The following LARP1B variants were observed in gnomAD, a reference collection of about 807,000 sequenced individuals.
LARP1B encodes the protein La ribonucleoprotein 1B, also known as la-related protein 1B.
In LARP1B, 76 loss-of-function variants were observed where a neutral mutation model predicts 114.2. The observed-to-expected ratio is 0.67, with a 90% CI of 0.55 to 0.81. LARP1B has a LOEUF of 0.81. Among genes scored for constraint, LARP1B ranks in the 30% least tolerant of loss-of-function variants. The pLI is 0.00. For missense variants in LARP1B, 1,014 were observed against 1,075.8 expected (o/e 0.94, Z 0.80); for synonymous variants, 345 against 348.0 (o/e 0.99, Z 0.10).
chr4:128,157,671 T>TA (rs1424722101), intron 11 of LARP1B, among the ~76,000 whole-genome samples: 2 of 152,158 alleles, frequency 1.3e-5, no homozygotes, highest in Non-Finnish European at 2.9e-5. Flanking sequence ...ATGATGTAGT[T>TA]ACAGTGCCTG....
chr4:128,091,001 G>T lies in LARP1B; in HGVS notation c.359G>T (p.Ser120Ile), dbSNP rs1382100857. ...THNNRRNDTR[S>I]WKRDREKRDD... The stretch of plus-strand genomic sequence containing the variant: ...ATAAAAATATTTTTATTTTTAAAAG[G>T]TTGGAAGCGAGATAGAGAAAAAAGG... The change falls in exon 6 of 20, where the codon AGT becomes ATT. Residue 120 changes from serine to isoleucine, a missense_variant and splice_region_variant. Transcript: ENST00000326639. 3.1e-6 allele frequency: 5 copies of T among 1,598,354 alleles called. No individual in the cohort carries two copies. The highest frequency in any genetic ancestry group is 4.3e-6 in the Non-Finnish European group (5 of 1,169,226).
Position 128,146,149 on chromosome 4 carries a change from C to T in LARP1B, c.1525-16045C>T, listed in dbSNP as rs75511534. Among the ~76,000 whole-genome samples the T allele has an allele frequency of 8.6e-3, 1,312 of 152,198 alleles. 12 individuals are homozygous for T. Among genetic ancestry groups the T allele is most frequent in the Non-Finnish European group, 0.014 (945 of 68,024 alleles). ...ATTTCTAGTTATGTCTATATGTGTA[C>T]GTGTGTGTATCTTTTGTAGAGAAAC... is the stretch of plus-strand genomic sequence containing the variant. On this transcript the variant is annotated intron_variant, in intron 11 of 19. Transcript: ENST00000326639.
intron 11 of LARP1B, among the ~76,000 whole-genome samples, chr4:128,128,687 G>C (rs6815890): frequency 0.59 from 89,966 of 151,976 alleles, 27,752 homozygotes; most frequent in Middle Eastern, 0.8. Flanking sequence ...GTTTCTTCTA[G>C]TAAGTGCCTC....
intron 11 of LARP1B, among the ~76,000 whole-genome samples, chr4:128,138,169 G>A (rs1726300910): frequency 6.6e-6 from 1 of 151,946 alleles, no homozygotes; most frequent in Non-Finnish European, 1.5e-5. Context: ...CACAATAGAG[G>A]ATTAATCATA....
chr4:128,135,574 T>G (rs757185039), intron 11 of LARP1B, among the ~76,000 whole-genome samples: 2 of 152,136 alleles, frequency 1.3e-5, no homozygotes, highest in Non-Finnish European at 2.9e-5. Context: ...TACATAACAA[T>G]GGAGTATTAT....
rs762345817 is a variant in LARP1B, at chr4:128,077,911, GGTGAAAACGTCA to G, written c.171_182del (p.Asn58_Glu61del). ...CCGGGAAACAAAATTAAATGGTCCT[GGTGAAAACGTCA>G]GTGAGGATGAGGCTCAGTCAAGTAA... On this transcript the variant is annotated inframe_deletion, in exon 4 of 20. Transcript: ENST00000326639. The G allele has an allele frequency of 6.4e-5, 103 of 1,613,334 alleles. No individual in the cohort carries two copies. In the South Asian group the frequency reaches 1.1e-3, roughly 17 times the overall value.
chr4:128,088,203 A>ATGATG (rs374010713), intron 5 of LARP1B, among the ~76,000 whole-genome samples: 118 of 150,942 alleles, frequency 7.8e-4, no homozygotes, highest in Middle Eastern at 6.9e-3. Context: ...AATCAATAAT[A>ATGATG]ATGATGATGA....
At chr4:128,214,476 C>T (rs1483951910), downstream of LARP1B, among the ~76,000 whole-genome samples, 1 of 151,906 alleles carries the variant, frequency 6.6e-6, no homozygotes, top group East Asian at 1.9e-4. Context: ...AGACTGCCTC[C>T]TCAAGTGGGT....
chr4:128,077,966 A>G lies in LARP1B; in HGVS notation c.217+4A>G. The G allele has an allele frequency of 6.5e-7, 1 of 1,539,310 alleles. No homozygotes were observed. Among genetic ancestry groups the G allele is most frequent in the Non-Finnish European group, 8.7e-7 (1 of 1,145,370 alleles). ...TCAAGTAATCAACGTAAGAGAGGTC[A>G]GTTTGTCCATATCTTTATTTTGATT... On this transcript the variant is annotated splice_donor_region_variant and intron_variant, in intron 4 of 19. Transcript: ENST00000326639.
chr4:128,212,562 G>A (rs141619350), downstream of LARP1B, among the ~76,000 whole-genome samples: 19 of 152,082 alleles, frequency 1.2e-4, no homozygotes, highest in African/African-American at 3.1e-4. Context: ...CAGGAGAATC[G>A]CTTGAACCCA....
chr4:128,129,348 CAAAAAA>C (rs71587364), intron 11 of LARP1B, among the ~76,000 whole-genome samples: 1 of 110,038 alleles, frequency 9.1e-6, no homozygotes, highest in Admixed American at 1.0e-4. Context: ...GACTCCGTCT[CAAAAAA>C]AAAAAAAAAA....
At chr4:128,095,441 A>G (rs1777544345) in intron 7 of LARP1B, among the ~76,000 whole-genome samples, 1 of 148,160 alleles carries the variant, frequency 6.7e-6, no homozygotes, top group South Asian at 2.2e-4. Context: ...GTGAGCCGAG[A>G]TCATGCCATC....
chr4:128,098,881 G>A (rs974729819), intron 8 of LARP1B, among the ~76,000 whole-genome samples: 6 of 146,014 alleles, frequency 4.1e-5, no homozygotes, highest in African/African-American at 1.5e-4. Context: ...GGGTTCAAGC[G>A]ATTCTCCTGC....
intron 3 of LARP1B, among the ~76,000 whole-genome samples, chr4:128,075,336 C>T (rs1767396148): frequency 6.6e-6 from 1 of 152,050 alleles, no homozygotes; most frequent in Admixed American, 6.6e-5. Context: ...GATCCTCCTG[C>T]CTCAGCCTCC....
At position 128,065,320 on chromosome 4, in the gene LARP1B, TCTC is replaced by T. The variant is rs1561012533; in HGVS notation, c.-78+3920_-78+3922del. ...TTCTTTCTTTCTTTCTTTCTTTCTC[TCTC>T]TCTCTCTCTTTCCTTTCTTTTCTTT... On this transcript the variant is annotated intron_variant, in intron 1 of 19. Coordinates refer to ENST00000326639, the MANE Select transcript of LARP1B (RefSeq NM_018078.4). Among the ~76,000 whole-genome samples the T allele has an allele frequency of 3.0e-3, 248 of 82,254 alleles. 1 individual carries two copies. Among genetic ancestry groups the T allele is most frequent in the African/African-American group, 9.3e-3 (231 of 24,882 alleles). The allele number at this position is 82,254 out of a possible 152,430, so 54.0% of individuals were successfully genotyped here.
intron 9 of LARP1B, chr4:128,108,587 T>G: frequency 2.0e-6 from 2 of 985,552 alleles, no homozygotes; most frequent in Non-Finnish European, 2.4e-6. Flanking sequence ...CTTCTGCTTC[T>G]AATCCCAGTA....
intron 1 of LARP1B, among the ~76,000 whole-genome samples, chr4:128,064,653 A>G (rs1041590937): frequency 6.6e-6 from 1 of 152,132 alleles, no homozygotes; most frequent in Non-Finnish European, 1.5e-5. Flanking sequence ...TTGCTGTTTC[A>G]CCTCTCTACT....
Position 128,091,513 on chromosome 4 carries a change from G to A in LARP1B, c.668+1G>A. ...TTAAAGAGTATATTAAGCGTCAAAT[G>A]TAAGTGGATGTTTGATGTAAGCAGA... On this transcript the variant is annotated splice_donor_variant, in intron 7 of 19. Coordinates refer to ENST00000326639, the MANE Select transcript of LARP1B (RefSeq NM_018078.4). LOFTEE classifies it high-confidence loss of function. 1 of 1,594,514 alleles carries A rather than the reference G, an allele frequency of 6.3e-7. No homozygotes were observed. Among genetic ancestry groups the A allele is most frequent in the Non-Finnish European group, 8.5e-7 (1 of 1,171,598 alleles).
At chr4:128,161,123 A>G (rs1035259749) in intron 11 of LARP1B, among the ~76,000 whole-genome samples, 1 of 152,202 alleles carries the variant, frequency 6.6e-6, no homozygotes, top group African/African-American at 2.4e-5. Context: ...ACTTAGAAGA[A>G]ATAGTGGAGT....
Sources: allele counts gnomAD v4.1 joint callset (sites outside exome capture counted in the v4.1 genomes callset), GRCh38; gene constraint gnomAD v4.1.1; transcripts MANE v1.5; gene names NCBI Gene and HGNC (gene_info 2026-07-23, HGNC 2026-07-21).